The following ADAP2 variants were observed in gnomAD, a reference collection of about 807,000 sequenced individuals.
The protein encoded by ADAP2 is arf-GAP with dual PH domain-containing protein 2.
Under a neutral mutation model 54.9 loss-of-function variants are expected in ADAP2, and 42 were observed. That is an observed-to-expected ratio of 0.77 (90% CI 0.60 to 0.99). The LOEUF (loss-of-function observed/expected upper bound fraction) is 0.99. ADAP2 is among the 50% of genes least tolerant of loss of function. The pLI is 0.00. For missense variants in ADAP2, 429 were observed against 480.4 expected (o/e 0.89, Z 1.00); for synonymous variants, 177 against 180.1 (o/e 0.98, Z 0.14).
chr17:30,944,134 G>C (rs1397337321), intron 5 of ADAP2, among the ~76,000 whole-genome samples: 1 of 152,150 alleles, frequency 6.6e-6, no homozygotes, highest in African/African-American at 2.4e-5. Context: ...GGAGTTTGCA[G>C]TGAGCCGAGA....
At chr17:30,949,898 G>A (rs550607843) in intron 7 of ADAP2, among the ~76,000 whole-genome samples, 4 of 152,270 alleles carry the variant, frequency 2.6e-5, no homozygotes, top group African/African-American at 7.2e-5. Context: ...ACGACAAGGC[G>A]GCCTCCCAAA....
intron 4 of ADAP2, among the ~76,000 whole-genome samples, chr17:30,932,229 T>C (rs1186879225): frequency 1.4e-5 from 2 of 142,936 alleles, no homozygotes; most frequent in East Asian, 4.0e-4. Flanking sequence ...GTGTACAGAC[T>C]CTTTTTTTTT....
At chr17:30,956,125 A>T (rs1472667597) in intron 9 of ADAP2, 116 bp from the exon 10 acceptor site, 1 of 802,798 alleles carries the variant, frequency 1.2e-6, no homozygotes, top group African/African-American at 1.7e-5. Context: ...ACTTAGCAGA[A>T]ATCCCAGCAG....
chr17:30,941,877 T>G (rs1912293228), intron 5 of ADAP2, among the ~76,000 whole-genome samples: 1 of 152,112 alleles, frequency 6.6e-6, no homozygotes, highest in African/African-American at 2.4e-5. Context: ...TTGTTGTGGT[T>G]ACATGGGTAT....
At chr17:30,952,462 G>A (rs1219210424) in intron 7 of ADAP2, among the ~76,000 whole-genome samples, 2 of 152,094 alleles carry the variant, frequency 1.3e-5, no homozygotes, top group African/African-American at 2.4e-5. Context: ...TGCAACCTCT[G>A]CCTCCCAAGT....
rs540091821 is a variant in ADAP2, at chr17:30,927,614, CA to C, written c.317+711del. ...TGGGCAACACAGCGAGACTCCGGCT[CA>C]AAAAAAAAAAAAAATAAAAGATAGA... On this transcript the variant is annotated intron_variant, in intron 3 of 10. Coordinates refer to ENST00000330889, the MANE Select transcript of ADAP2 (RefSeq NM_018404.3). Among the ~76,000 whole-genome samples, 1,026 of 112,656 alleles carry C rather than the reference CA, an allele frequency of 9.1e-3. 3 individuals carry two copies. Among genetic ancestry groups the C allele is most frequent in the Non-Finnish European group, 0.012 (629 of 51,078 alleles). 73.9% of individuals were successfully genotyped at this position (112,656 alleles called of 152,430 possible).
Position 30,957,887 on chromosome 17 carries a change from T to C in ADAP2, c.*18T>C, listed in dbSNP as rs1300596129. ...GCAGGTGACCCATTAACTGAGGAAC[T>C]GGCTGCCACTGAACACCTGGAACTC... On this transcript the variant is annotated 3_prime_UTR_variant, in exon 11 of 11. Transcript: ENST00000330889. 1.2e-6 allele frequency: 2 copies of C among 1,610,998 alleles called. No homozygotes were observed. Among genetic ancestry groups the C allele is most frequent in the African/African-American group, 1.3e-5 (1 of 74,842 alleles).
At chr17:30,931,752 T>A in intron 3 of ADAP2, 137 bp from the exon 4 acceptor site, 1 of 575,040 alleles carries the variant, frequency 1.7e-6, no homozygotes. Context: ...GCCTAGGAGG[T>A]CTAGGCTGCA....
chr17:30,930,218 C>T (rs1366372891), intron 3 of ADAP2, among the ~76,000 whole-genome samples: 5 of 151,802 alleles, frequency 3.3e-5, no homozygotes, highest in East Asian at 3.9e-4. Context: ...ATTACAGGCA[C>T]GTGCCACCAT....
At position 30,922,968 on chromosome 17, in the gene ADAP2, G is replaced by A. The variant is rs779784183; in HGVS notation, c.123G>A (p.Gly41=). ...ADPDWASYKL[G]IFICLNCCGV... ...CCGACTGGGCCTCTTACAAGCTGGG[G>A]ATCTTCATCTGTCTCAACTGCTGCG... The change falls in exon 2 of 11, where the codon GGG becomes GGA. Residue 41 remains glycine (G), a synonymous_variant. Coordinates refer to ENST00000330889, the MANE Select transcript of ADAP2 (RefSeq NM_018404.3). 1.2e-6 allele frequency: 2 copies of A among 1,613,992 alleles called. No homozygotes were observed. Among genetic ancestry groups the A allele is most frequent in the Admixed American group, 3.3e-5 (2 of 59,994 alleles).
At chr17:30,941,234 T>C (rs1567720926) in intron 5 of ADAP2, among the ~76,000 whole-genome samples, 1 of 152,244 alleles carries the variant, frequency 6.6e-6, no homozygotes, top group East Asian at 1.9e-4. Context: ...GTGTTAGCTA[T>C]TGTTTGTGCT....
chr17:30,942,788 A>T (rs1912368452), intron 5 of ADAP2, among the ~76,000 whole-genome samples: 1 of 152,232 alleles, frequency 6.6e-6, no homozygotes, highest in African/African-American at 2.4e-5. Context: ...GTGGCCAACA[A>T]GCAAATGAAA....
At chr17:30,922,516 C>T (rs1910704142) in intron 1 of ADAP2, among the ~76,000 whole-genome samples, 1 of 152,202 alleles carries the variant, frequency 6.6e-6, no homozygotes, top group African/African-American at 2.4e-5. Flanking sequence ...CCAGCCAGGG[C>T]TAAACGTCGG....
At position 30,956,239 on chromosome 17, in the gene ADAP2, A is replaced by G. The variant is rs998692967; in HGVS notation, c.883-2A>G. 1.2e-6 allele frequency: 2 copies of G among 1,614,016 alleles called. No homozygotes were observed. The highest frequency in any genetic ancestry group is 8.5e-7 in the Non-Finnish European group (1 of 1,179,944). On this transcript the variant is annotated splice_acceptor_variant, in intron 9 of 10. Coordinates refer to ENST00000330889, the MANE Select transcript of ADAP2 (RefSeq NM_018404.3). LOFTEE classifies it high-confidence loss of function. ...TGATGACCCTGTACTCTCCATTTTC[A>G]GGATGCCTTCGAGCAGGGCCAGGTT...
rs529471109 is a variant in ADAP2, at chr17:30,923,961, C to T, written c.225+891C>T. ...TTGGGTAATCCACCCTCCTCGGCCT[C>T]CCAAAGTGCTGGGATTACAGGCGTG... On this transcript the variant is annotated intron_variant, in intron 2 of 10. Coordinates refer to ENST00000330889, the MANE Select transcript of ADAP2 (RefSeq NM_018404.3). Among the ~76,000 whole-genome samples the T allele has an allele frequency of 3.3e-5, 5 of 152,222 alleles. No homozygotes were observed. The South Asian group carries it at 1.0e-3, about 32-fold the overall frequency.
rs187507565 is a variant in ADAP2, at chr17:30,951,058, A to C, written c.741+1688A>C. 1.6e-3 allele frequency among the ~76,000 whole-genome samples: 244 copies of C among 152,272 alleles called. 1 individual carries two copies. The highest frequency in any genetic ancestry group is 4.6e-3 in the South Asian group (22 of 4,826). ...TGGTGTGAGGTTCTGAGCAATCACCAGGCCTGGCTCAAGCTTTAGGGGTCC... is the reference window on the plus strand; with the variant it reads ...TGGTGTGAGGTTCTGAGCAATCACCCGGCCTGGCTCAAGCTTTAGGGGTCC... On this transcript the variant is annotated intron_variant, in intron 7 of 10. Coordinates refer to ENST00000330889, the MANE Select transcript of ADAP2 (RefSeq NM_018404.3).
chr17:30,952,017 A>G (rs529175777), intron 7 of ADAP2, among the ~76,000 whole-genome samples: 1 of 152,194 alleles, frequency 6.6e-6, no homozygotes, highest in African/African-American at 2.4e-5. Flanking sequence ...TGTTCCCCAG[A>G]CCTCACTTCC....
At chr17:30,957,741 C>G in intron 10 of ADAP2, 94 bp from the exon 11 acceptor site, 2 of 1,296,710 alleles carry the variant, frequency 1.5e-6, no homozygotes, top group Non-Finnish European at 2.2e-6. Context: ...ATGGCTCCCT[C>G]TGTCTTTGTA....
intron 7 of ADAP2, 141 bp from the exon 8 acceptor site, chr17:30,953,147 C>A: frequency 1.4e-6 from 1 of 693,000 alleles, no homozygotes; most frequent in Non-Finnish European, 2.5e-6. Flanking sequence ...ATGACCATTG[C>A]ACTTTCCAAA....
Sources: allele counts gnomAD v4.1 joint callset (sites outside exome capture counted in the v4.1 genomes callset), GRCh38; gene constraint gnomAD v4.1.1; transcripts MANE v1.5; gene names NCBI Gene and HGNC (gene_info 2026-07-23, HGNC 2026-07-21).